Variants in NDC80 observed in about 807,000 individuals in gnomAD.
The protein encoded by NDC80 is NDC80 kinetochore complex component.
A neutral mutation model predicts 89.3 loss-of-function variants in NDC80; 69 were observed. That is an observed-to-expected ratio of 0.77 (90% CI 0.64 to 0.94). The LOEUF is 0.94. Ranked by LOEUF, NDC80 falls within the 40% of genes least tolerant of loss-of-function variation. The pLI is 0.00. For synonymous variants in NDC80, 243 were observed against 255.6 expected (o/e 0.95, Z 0.47); for missense variants, 593 against 739.6 (o/e 0.80, Z 2.30).
rs142231003 is a variant in NDC80, at chr18:2,591,176, G to A, written c.1015+1014G>A. Among the ~76,000 whole-genome samples the A allele has an allele frequency of 8.5e-5, 13 of 152,230 alleles. No individual in the cohort carries two copies. The East Asian group carries it at 2.1e-3, about 25-fold the overall frequency. On this transcript the variant is annotated intron_variant, in intron 10 of 16. Transcript: ENST00000261597. ...TAAAGCTGCAAGTACTACAGTTCTC[G>A]GGGAAAAGAGCAACCAAAGAAAGCT... is the stretch of plus-strand genomic sequence containing the variant.
chr18:2,605,288 G>A (rs906918421), intron 13 of NDC80, among the ~76,000 whole-genome samples: 2 of 127,794 alleles, frequency 1.6e-5, no homozygotes, highest in South Asian at 2.3e-4. Flanking sequence ...GTGTGTGTGT[G>A]TGTGTGTGTG....
chr18:2,587,808 T>C, intron 7 of NDC80, 22 bp from the exon 8 acceptor site: 2 of 1,587,496 alleles, frequency 1.3e-6, no homozygotes, highest in Non-Finnish European at 1.7e-6. Flanking sequence ...ACTTTGTTTC[T>C]AAAATCTGCT....
chr18:2,606,057 G>A (rs1440285511), intron 13 of NDC80, among the ~76,000 whole-genome samples: 1 of 151,560 alleles, frequency 6.6e-6, no homozygotes, highest in Non-Finnish European at 1.5e-5. Context: ...CTAAATAGCT[G>A]TAGTAGATAT....
At chr18:2,600,393 G>A (rs752055494) in intron 12 of NDC80, among the ~76,000 whole-genome samples, 15 of 152,090 alleles carry the variant, frequency 9.9e-5, no homozygotes, top group Non-Finnish European at 1.6e-4. Context: ...GGCAGATCAC[G>A]AGGTCAGGAG....
At chr18:2,574,437 G>A (rs975178111) in intron 2 of NDC80, among the ~76,000 whole-genome samples, 1 of 152,100 alleles carries the variant, frequency 6.6e-6, no homozygotes, top group South Asian at 2.1e-4. Flanking sequence ...TCTGATCACT[G>A]TACATTATAT....
chr18:2,578,388 A>G (rs183738486), intron 5 of NDC80, among the ~76,000 whole-genome samples: 1 of 152,352 alleles, frequency 6.6e-6, no homozygotes, highest in East Asian at 1.9e-4. Context: ...GATGATGGGT[A>G]CAGACGGATA....
chr18:2,593,841 A>T (rs938772887), intron 10 of NDC80: 3 of 298,610 alleles, frequency 1.0e-5, no homozygotes, highest in Middle Eastern at 1.2e-3. Flanking sequence ...TTCTGTTTGG[A>T]TGATAATTCT....
Position 2,616,600 on chromosome 18 carries a change from T to G in NDC80, c.*26T>G, listed in dbSNP as rs1365273536. The G allele has an allele frequency of 8.1e-7, 1 of 1,232,664 alleles. No homozygotes were observed. Among genetic ancestry groups the G allele is most frequent in the East Asian group, 2.7e-5 (1 of 37,266 alleles). 76.4% of individuals were successfully genotyped at this position (1,232,664 alleles called of 1,614,324 possible). On this transcript the variant is annotated 3_prime_UTR_variant, in exon 17 of 17. Transcript: ENST00000261597. Reference sequence around the variant, plus strand: ...AGATAAAATGTTGATCATGTATATATATCCATAGTGAATAAAATTGTCTCA... The same window carrying G: ...AGATAAAATGTTGATCATGTATATAGATCCATAGTGAATAAAATTGTCTCA...
intron 14 of NDC80, among the ~76,000 whole-genome samples, chr18:2,606,844 A>G (rs957923444): frequency 2.0e-5 from 3 of 152,112 alleles, no homozygotes; most frequent in Admixed American, 1.3e-4. Context: ...ATGTACTGCT[A>G]AAGCCTGAAC....
intron 12 of NDC80, 35 bp from the exon 13 acceptor site, chr18:2,601,361 G>T: frequency 9.3e-7 from 1 of 1,072,046 alleles, no homozygotes; most frequent in Non-Finnish European, 1.3e-6. Context: ...GTAATTAAAT[G>T]TTATATGTCA....
In NDC80 at chr18:2,589,256, C is replaced by T; in HGVS notation, c.816C>T (p.Asn272=). 6.2e-7 allele frequency: 1 copy of T among 1,613,762 alleles called. No individual in the cohort carries two copies. Among genetic ancestry groups the T allele is most frequent in the Non-Finnish European group, 8.5e-7 (1 of 1,179,792 alleles). Residue 272 remains asparagine, a synonymous_variant, in exon 9 of 17, where the codon AAC becomes AAT. Transcript: ENST00000261597. The part of the protein sequence containing the change: ...AFKLESLEAK[N]RALNEQIARL... Reference sequence around the variant, plus strand: ...AGCTGGAATCATTAGAAGCAAAAAACAGAGCATTGAATGAACAGATTGCAA... The same window carrying T: ...AGCTGGAATCATTAGAAGCAAAAAATAGAGCATTGAATGAACAGATTGCAA...
chr18:2,613,153 C>T (rs554220770), intron 16 of NDC80, among the ~76,000 whole-genome samples: 1 of 152,328 alleles, frequency 6.6e-6, no homozygotes, highest in South Asian at 2.1e-4. Flanking sequence ...CCAATTGGGC[C>T]TACAGCCGGC....
chr18:2,595,566 C>T lies in NDC80; in HGVS notation c.1166C>T (p.Ala389Val), dbSNP rs765924324. 4 of 1,613,732 alleles carry T rather than the reference C, an allele frequency of 2.5e-6. No individual in the cohort carries two copies. In the East Asian group the frequency reaches 6.7e-5, roughly 27 times the overall value. ...AATAAATTAACCAAGGACCTGGAAG[C>T]TGAACAACAGAAGTTGTGGAATGAG... is the stretch of plus-strand genomic sequence containing the variant. The part of the protein sequence containing the change: ...TINKLTKDLE[A>V]EQQKLWNEEL... Residue 389 changes from alanine to valine, a missense_variant, in exon 11 of 17, where the codon GCT becomes GTT. By Grantham distance (64) the Ala-to-Val change is moderately conservative. Coordinates refer to ENST00000261597, the MANE Select transcript of NDC80 (RefSeq NM_006101.3).
chr18:2,611,324 C>T (rs972477075), intron 16 of NDC80, among the ~76,000 whole-genome samples: 4 of 152,214 alleles, frequency 2.6e-5, no homozygotes, highest in East Asian at 1.9e-4. Context: ...GCTGGGATTA[C>T]AGGCGTGAGC....
In NDC80 at chr18:2,591,165, C is replaced by T. The variant is rs11665457; in HGVS notation, c.1015+1003C>T. ...AAAATCAAAATTAAAGCTGCAAGTA[C>T]TACAGTTCTCGGGGAAAAGAGCAAC... On this transcript the variant is annotated intron_variant, in intron 10 of 16. Coordinates refer to ENST00000261597, the MANE Select transcript of NDC80 (RefSeq NM_006101.3). Among the ~76,000 whole-genome samples the T allele has an allele frequency of 2.1e-4, 32 of 152,142 alleles. 2 individuals are homozygous for T. The highest frequency in any genetic ancestry group is 9.2e-4 in the Admixed American group (14 of 15,278).
At chr18:2,615,613 C>T (rs893205343) in intron 16 of NDC80, among the ~76,000 whole-genome samples, 2 of 152,178 alleles carry the variant, frequency 1.3e-5, no homozygotes, top group African/African-American at 4.8e-5. Flanking sequence ...TCACAGGTTC[C>T]TTTCTGGAAT....
chr18:2,590,503 T>G (rs1257594753), intron 10 of NDC80, among the ~76,000 whole-genome samples: 1 of 152,198 alleles, frequency 6.6e-6, no homozygotes, highest in Non-Finnish European at 1.5e-5. Context: ...CACTCCGATC[T>G]CTGCCTCCAT....
chr18:2,601,498 ACATAAAAAGT>A lies in NDC80; in HGVS notation c.1464+24_1464+33del, dbSNP rs750790902. 7 of 1,199,122 alleles carry A rather than the reference ACATAAAAAGT, an allele frequency of 5.8e-6. No homozygotes were observed. The African/African-American group carries it at 6.3e-5, about 11-fold the overall frequency. The allele number at this position is 1,199,122 out of a possible 1,614,324, so 74.3% of individuals were successfully genotyped here. A position where few individuals can be genotyped will look rare whatever the true frequency, so the allele number is the denominator to read the frequency against. ...TACTTTAGAACAAGTAAGTAATAAA[ACATAAAAAGT>A]CATAAAAAGTGAAAATTAGATTTTA... On this transcript the variant is annotated intron_variant, in intron 13 of 16. Transcript: ENST00000261597.
intron 16 of NDC80, among the ~76,000 whole-genome samples, chr18:2,614,660 A>AGAAAGAAAG (rs2072774859): frequency 6.8e-6 from 1 of 146,960 alleles, no homozygotes. Flanking sequence ...AAAGAAATAA[A>AGAAAGAAAG]TTTGGCAATC....
Sources: allele counts gnomAD v4.1 joint callset (sites outside exome capture counted in the v4.1 genomes callset), GRCh38; gene constraint gnomAD v4.1.1; transcripts MANE v1.5; gene names NCBI Gene and HGNC (gene_info 2026-07-23, HGNC 2026-07-21).